Variants in CRPPA observed in about 807,000 individuals in gnomAD.
The protein encoded by CRPPA is D-ribitol-5-phosphate cytidylyltransferase.
CRPPA carries 43 observed loss-of-function variants against 52.0 expected under a neutral mutation model. That is an observed-to-expected ratio of 0.83 (90% CI 0.65 to 1.07). CRPPA has a LOEUF of 1.07. Ranked by LOEUF, CRPPA falls within the 50% of genes least tolerant of loss-of-function variation. The pLI is 0.00. For missense variants in CRPPA, 629 were observed against 551.7 expected, an observed-to-expected ratio of 1.14 and a Z score of -1.40; for synonymous variants, 250 against 203.5, an observed-to-expected ratio of 1.23 and a Z score of -1.94.
At chr7:16,182,018 A>G (rs767785672) in intron 9 of CRPPA, among the ~76,000 whole-genome samples, 2 of 151,996 alleles carry the variant, frequency 1.3e-5, no homozygotes, top group African/African-American at 2.4e-5. Flanking sequence ...TTCTAAATTT[A>G]TAAACCTAAT....
chr7:16,259,124 ATT>A, intron 6 of CRPPA, 112 bp from the exon 7 acceptor site: 1 of 527,552 alleles, frequency 1.9e-6, no homozygotes, highest in Non-Finnish European at 2.9e-6. Context: ...AGGACCATAT[ATT>A]TTTTAAAAAA....
At chr7:16,096,950 A>C (rs1180315751) in intron 9 of CRPPA, among the ~76,000 whole-genome samples, 2 of 152,190 alleles carry the variant, frequency 1.3e-5, no homozygotes, top group Admixed American at 1.3e-4. Context: ...CAAAACCCCC[A>C]CAATGAACAC....
At chr7:16,244,142 T>A (rs1783201659) in intron 8 of CRPPA, among the ~76,000 whole-genome samples, 1 of 152,194 alleles carries the variant, frequency 6.6e-6, no homozygotes, top group South Asian at 2.1e-4. Context: ...TCAATTTTTT[T>A]TTTCTGCTCT....
intron 9 of CRPPA, among the ~76,000 whole-genome samples, chr7:16,180,769 T>A (rs1311864577): frequency 6.6e-5 from 10 of 152,024 alleles, no homozygotes; most frequent in Admixed American, 6.6e-4. Flanking sequence ...TTATAAAATA[T>A]AAATATAGCT....
At chr7:16,116,762 T>G (rs923484850) in intron 9 of CRPPA, among the ~76,000 whole-genome samples, 3 of 150,196 alleles carry the variant, frequency 2.0e-5, no homozygotes, top group African/African-American at 7.4e-5. Context: ...CAAGAAGACA[T>G]GACAACAAAA....
intron 4 of CRPPA, among the ~76,000 whole-genome samples, chr7:16,307,023 G>C (rs748036209): frequency 4.6e-5 from 7 of 152,112 alleles, no homozygotes; most frequent in Non-Finnish European, 8.8e-5. Context: ...CAGTGAGGCT[G>C]ATCATGTTAC....
In CRPPA at chr7:16,303,491, A is replaced by AAAAACAAAAC. The variant is rs1554317855; in HGVS notation, c.790-2026_790-2025insGTTTTGTTTT. Among the ~76,000 whole-genome samples, 3 of 124,936 alleles carry AAAAACAAAAC rather than the reference A, an allele frequency of 2.4e-5. 1 individual carries two copies. The highest frequency in any genetic ancestry group is 5.3e-5 in the Non-Finnish European group (3 of 57,042). 82.0% of individuals were successfully genotyped at this position (124,936 alleles called of 152,430 possible). ...ACATAAAATAGTAAAAAAAAAAAAA[A>AAAAACAAAAC]AAAAAAAAAAAACTTTCAGAACACA... On this transcript the variant is annotated intron_variant, in intron 4 of 9. Coordinates refer to ENST00000407010, the MANE Select transcript of CRPPA (RefSeq NM_001101426.4).
chr7:16,159,531 C>T (rs569631287), intron 9 of CRPPA, among the ~76,000 whole-genome samples: 3 of 152,288 alleles, frequency 2.0e-5, no homozygotes, highest in African/African-American at 7.2e-5. Context: ...CTGCAAAGGA[C>T]ATGAACTCAT....
rs1449260343 is a variant in CRPPA at position 16,090,490 on chromosome 7, G to A, written c.*1205C>T. On this transcript the variant is annotated 3_prime_UTR_variant, in exon 10 of 10. Coordinates refer to ENST00000407010, the MANE Select transcript of CRPPA (RefSeq NM_001101426.4). The stretch of plus-strand genomic sequence containing the variant: ...AGGCCGAGGCAGGCAGATCACTTGA[G>A]GTCAGGAGTTCAAGACCAGCCTGGC... 2 of 148,126 alleles carry A rather than the reference G, an allele frequency of 1.4e-5. No homozygotes were observed. Among genetic ancestry groups the A allele is most frequent in the African/African-American group, 2.5e-5 (1 of 40,282 alleles). 9.2% of individuals were successfully genotyped at this position (148,126 alleles called of 1,614,324 possible).
chr7:16,291,756 A>G (rs1042812861), intron 5 of CRPPA, among the ~76,000 whole-genome samples: 3 of 151,850 alleles, frequency 2.0e-5, no homozygotes, highest in Non-Finnish European at 4.4e-5. Context: ...TCAAAGTAAA[A>G]AAAAAATGTT....
At chr7:16,118,820 C>T (rs1782428515) in intron 9 of CRPPA, among the ~76,000 whole-genome samples, 1 of 152,120 alleles carries the variant, frequency 6.6e-6, no homozygotes, top group South Asian at 2.1e-4. Flanking sequence ...CTCAAATGGA[C>T]AAGCTTTTGT....
At chr7:16,328,513 T>C (rs896345722) in intron 3 of CRPPA, among the ~76,000 whole-genome samples, 1 of 152,030 alleles carries the variant, frequency 6.6e-6, no homozygotes, top group Non-Finnish European at 1.5e-5. Flanking sequence ...TTTGGGGGGT[T>C]TGTTTTGTTC....
chr7:16,383,752 C>A (rs1481352216), intron 2 of CRPPA, among the ~76,000 whole-genome samples: 2 of 150,600 alleles, frequency 1.3e-5, no homozygotes. Flanking sequence ...TCTCAGACTG[C>A]TGCGCTAGCA....
At chr7:16,191,240 G>C (rs765283) in intron 9 of CRPPA, among the ~76,000 whole-genome samples, 108,145 of 151,920 alleles carry the variant, frequency 0.71, 38,898 homozygotes, top group Admixed American at 0.79. Context: ...GAGGTTTGCC[G>C]AGTATGTTCT....
At chr7:16,140,575 T>G (rs1051180099) in intron 9 of CRPPA, among the ~76,000 whole-genome samples, 51 of 152,350 alleles carry the variant, frequency 3.3e-4, no homozygotes, top group African/African-American at 1.2e-3. Flanking sequence ...AAGCCCCAGA[T>G]GTGATCTGTG....
At chr7:16,340,474 T>G (rs542679607) in intron 3 of CRPPA, among the ~76,000 whole-genome samples, 77 of 151,562 alleles carry the variant, frequency 5.1e-4, no homozygotes, top group African/African-American at 1.8e-3. Flanking sequence ...AAATGTTAAA[T>G]AAGGACATAA....
intron 4 of CRPPA, among the ~76,000 whole-genome samples, chr7:16,305,495 G>A (rs376601220): frequency 6.6e-6 from 1 of 152,136 alleles, no homozygotes; most frequent in Non-Finnish European, 1.5e-5. Flanking sequence ...GATTTCTAGT[G>A]GGGGGATCGC....
intron 9 of CRPPA, among the ~76,000 whole-genome samples, chr7:16,143,021 A>T (rs143999724): frequency 8.7e-4 from 133 of 152,332 alleles, no homozygotes; most frequent in African/African-American, 3.1e-3. Flanking sequence ...CACAGTTGAC[A>T]ATGTTGGAAA....
At chr7:16,137,591 C>A (rs1239103133) in intron 9 of CRPPA, among the ~76,000 whole-genome samples, 1 of 152,104 alleles carries the variant, frequency 6.6e-6, no homozygotes, top group Non-Finnish European at 1.5e-5. Context: ...GACAGCTACA[C>A]AAAATCTTTT....
Sources: allele counts gnomAD v4.1 joint callset (sites outside exome capture counted in the v4.1 genomes callset), GRCh38; gene constraint gnomAD v4.1.1; transcripts MANE v1.5; gene names NCBI Gene and HGNC (gene_info 2026-07-23, HGNC 2026-07-21).